Variants in CAPRIN2 observed in about 807,000 individuals in gnomAD.
The protein encoded by CAPRIN2 is caprin-2.
A neutral mutation model predicts 130.4 loss-of-function variants in CAPRIN2; 66 were observed. The ratio of observed to expected loss-of-function variants is 0.51; its 90% CI spans 0.42 to 0.62. The LOEUF (loss-of-function observed/expected upper bound fraction) is 0.62, where lower values mean the gene tolerates loss of function less well. CAPRIN2 is among the 20% of genes least tolerant of loss of function. The pLI, the probability that CAPRIN2 is intolerant of heterozygous loss-of-function variation, is 0.00. For missense variants in CAPRIN2, 1,185 were observed against 1,246.6 expected (o/e 0.95, Z 0.74); for synonymous variants, 471 against 444.1 (o/e 1.06, Z -0.76).
intron 2 of CAPRIN2, among the ~76,000 whole-genome samples, chr12:30,748,770 C>G (rs1028136597): frequency 7.9e-5 from 12 of 152,058 alleles, no homozygotes; most frequent in African/African-American, 2.4e-4. Context: ...TGCTTAGTTA[C>G]ATCTAAAGAC....
At chr12:30,715,015 C>T in exon 14 of CAPRIN2, 3 of 1,613,992 alleles carry the variant, frequency 1.9e-6, no homozygotes, top group Non-Finnish European at 1.7e-6. Flanking sequence ...ACCACGAGTA[C>T]ATCCTCTAAC....
chr12:30,749,929 G>C lies in CAPRIN2; in HGVS notation c.483+1142C>G, dbSNP rs117359387. ...TAGCATGTCTTTAACATTTCTTAGAGAGCTACCATGGGAACAATCAATCTC... is the reference window on the plus strand; with the variant it reads ...TAGCATGTCTTTAACATTTCTTAGACAGCTACCATGGGAACAATCAATCTC... On this transcript the variant is annotated intron_variant, in intron 2 of 16. Transcript: ENST00000298892. 7.0e-4 allele frequency among the ~76,000 whole-genome samples: 106 copies of C among 152,258 alleles called. 1 individual carries two copies. The East Asian group carries it at 0.018, about 25-fold the overall frequency.
intron 1 of CAPRIN2, among the ~76,000 whole-genome samples, chr12:30,752,487 G>C (rs1407038236): frequency 6.7e-6 from 1 of 150,324 alleles, no homozygotes; most frequent in African/African-American, 2.5e-5. Flanking sequence ...TACCACACTT[G>C]TGATCAACTG....
chr12:30,709,843 T>C lies in CAPRIN2; in HGVS notation c.*59A>G, dbSNP rs563741832. The C allele has an allele frequency of 9.2e-5, 141 of 1,527,980 alleles. No homozygotes were observed. The South Asian group carries it at 1.3e-3, about 14-fold the overall frequency. The allele number at this position is 1,527,980 out of a possible 1,614,324, so 94.7% of individuals were successfully genotyped here. On this transcript the variant is annotated 3_prime_UTR_variant, in exon 17 of 17. Transcript: ENST00000298892. ...ATCAGTCATGAGGGCAAAGACTACTTTTCCTTCAATCCCACTAATTAGAAC... is the reference window on the plus strand; with the variant it reads ...ATCAGTCATGAGGGCAAAGACTACTCTTCCTTCAATCCCACTAATTAGAAC...
In CAPRIN2 at chr12:30,714,789, CCT is replaced by C. The variant is rs1401440867; in HGVS notation, c.2500+168_2500+169del. ...CTGCTTTTCATACAGAAAATTAGTT[CCT>C]CTGTTATGGAGAATAGGTATATTAA... On this transcript the variant is annotated intron_variant, in intron 14 of 16. Coordinates refer to ENST00000298892, the Ensembl canonical transcript of CAPRIN2. The C allele has an allele frequency of 1.5e-5, 7 of 453,720 alleles. No homozygotes were observed. In the East Asian group the frequency reaches 2.2e-4, roughly 14 times the overall value. 28.1% of individuals were successfully genotyped at this position (453,720 alleles called of 1,614,324 possible).
exon 13 of CAPRIN2, chr12:30,716,558 C>G (rs780607029): frequency 6.2e-7 from 1 of 1,613,954 alleles, no homozygotes; most frequent in Middle Eastern, 1.7e-4. Flanking sequence ...TGGCAGTTGG[C>G]ACTGGGGTGG....
chr12:30,713,143 G>C (rs1276658454), intron 15 of CAPRIN2, among the ~76,000 whole-genome samples: 6 of 152,128 alleles, frequency 3.9e-5, no homozygotes, highest in Non-Finnish European at 7.3e-5. Flanking sequence ...ACAGAACTCA[G>C]TATGGTACCA....
exon 8 of CAPRIN2, chr12:30,729,310 A>G (rs1361913701): frequency 6.4e-7 from 1 of 1,560,384 alleles, no homozygotes; most frequent in Non-Finnish European, 8.6e-7. Flanking sequence ...TCTGTCATAT[A>G]GCGTCTGTTA....
intron 7 of CAPRIN2, among the ~76,000 whole-genome samples, chr12:30,729,670 C>T (rs1457793363): frequency 1.3e-5 from 2 of 152,152 alleles, no homozygotes; most frequent in African/African-American, 4.8e-5. Context: ...CAGTTGACTC[C>T]CTCAAACATT....
At chr12:30,738,337 T>C (rs985283164) in intron 3 of CAPRIN2, among the ~76,000 whole-genome samples, 2 of 151,792 alleles carry the variant, frequency 1.3e-5, no homozygotes, top group African/African-American at 4.8e-5. Flanking sequence ...TAAGACACTA[T>C]ATTCACGATA....
At chr12:30,716,636 T>C (rs761501370) in exon 13 of CAPRIN2, 17 of 1,614,026 alleles carry the variant, frequency 1.1e-5, no homozygotes, top group Non-Finnish European at 1.4e-5. Context: ...TTTTATTTCT[T>C]GTTCTTTTCG....
At chr12:30,746,448 C>T (rs924140406) in intron 2 of CAPRIN2, among the ~76,000 whole-genome samples, 3 of 152,130 alleles carry the variant, frequency 2.0e-5, no homozygotes, top group Non-Finnish European at 2.9e-5. Flanking sequence ...AGAGCGAACC[C>T]TAATGCAAAC....
intron 15 of CAPRIN2, among the ~76,000 whole-genome samples, chr12:30,712,324 C>T (rs1252592825): frequency 2.0e-5 from 3 of 152,154 alleles, no homozygotes; most frequent in Non-Finnish European, 2.9e-5. Flanking sequence ...CTCCCAGTTG[C>T]CCCTTTGCAA....
At chr12:30,749,025 G>C (rs2072255637) in intron 2 of CAPRIN2, among the ~76,000 whole-genome samples, 1 of 152,186 alleles carries the variant, frequency 6.6e-6, no homozygotes, top group African/African-American at 2.4e-5. Flanking sequence ...GAATGGGGAA[G>C]TGGAGGTATA....
chr12:30,720,838 T>C (rs139160988), exon 12 of CAPRIN2: 45 of 1,612,582 alleles, frequency 2.8e-5, no homozygotes, highest in Admixed American at 6.7e-5. Flanking sequence ...TCATAAACTC[T>C]GTTTCAGATC....
chr12:30,751,179 A>G (rs1353796306), intron 1 of CAPRIN2, 46 bp from the exon 3 acceptor site: 2 of 1,486,666 alleles, frequency 1.3e-6, no homozygotes, highest in South Asian at 1.1e-5. Context: ...CATAAAATTC[A>G]GAAGCAAATA....
intron 3 of CAPRIN2, among the ~76,000 whole-genome samples, chr12:30,736,490 G>A (rs932894277): frequency 5.3e-5 from 8 of 151,846 alleles, no homozygotes; most frequent in African/African-American, 1.2e-4. Flanking sequence ...AGAGATGTTC[G>A]TAAATCCTAA....
intron 15 of CAPRIN2, among the ~76,000 whole-genome samples, chr12:30,712,240 A>C (rs1315466341): frequency 6.6e-6 from 1 of 152,206 alleles, no homozygotes; most frequent in Non-Finnish European, 1.5e-5. Context: ...TAGTGGTGTA[A>C]TTATTATATG....
intron 2 of CAPRIN2, among the ~76,000 whole-genome samples, chr12:30,743,001 G>A (rs1414474200): frequency 6.6e-6 from 1 of 152,000 alleles, no homozygotes; most frequent in Admixed American, 6.6e-5. Context: ...ACTCCCAAAT[G>A]GTATTAACTT....
Sources: allele counts gnomAD v4.1 joint callset (sites outside exome capture counted in the v4.1 genomes callset), GRCh38; gene constraint gnomAD v4.1.1; transcripts MANE v1.5; gene names NCBI Gene and HGNC (gene_info 2026-07-23, HGNC 2026-07-21).